The following VEPH1 variants were observed in gnomAD, a reference collection of about 807,000 sequenced individuals.
The protein encoded by VEPH1 is ventricular zone-expressed PH domain-containing protein homolog 1.
A neutral mutation model predicts 85.2 loss-of-function variants in VEPH1; 80 were observed. That is an observed-to-expected ratio of 0.94 (90% CI 0.78 to 1.13). VEPH1 has a LOEUF of 1.13. Among genes scored for constraint, VEPH1 ranks in the 50% most tolerant of loss-of-function variants. The pLI is 0.00. For synonymous variants in VEPH1, 297 were observed against 348.0 expected (o/e 0.85, Z 1.63); for missense variants, 955 against 980.5 (o/e 0.97, Z 0.35).
chr3:157,494,960 T>C (rs35973239), intron 2 of VEPH1, among the ~76,000 whole-genome samples: 24,970 of 152,068 alleles, frequency 0.16, 2,903 homozygotes, highest in African/African-American at 0.32. Flanking sequence ...GAGAATTCCA[T>C]GCTGCTCTGC....
At chr3:157,332,365 A>G (rs968019672) in intron 9 of VEPH1, among the ~76,000 whole-genome samples, 12 of 151,716 alleles carry the variant, frequency 7.9e-5, no homozygotes, top group Non-Finnish European at 8.8e-5. Flanking sequence ...CCTAAATGGA[A>G]CCCCCACATC....
At chr3:157,468,295 T>C (rs568429589) in intron 3 of VEPH1, among the ~76,000 whole-genome samples, 8 of 152,328 alleles carry the variant, frequency 5.3e-5, no homozygotes, top group East Asian at 1.9e-4. Flanking sequence ...CTAGTCCATT[T>C]AGTGATGCAC....
intron 9 of VEPH1, among the ~76,000 whole-genome samples, chr3:157,321,301 A>T (rs1441416924): frequency 6.6e-6 from 1 of 152,212 alleles, no homozygotes; most frequent in Non-Finnish European, 1.5e-5. Context: ...AAGCTCAAAC[A>T]CATGAATATG....
At chr3:157,328,795 A>AAG (rs1293341951) in intron 9 of VEPH1, among the ~76,000 whole-genome samples, 4 of 152,214 alleles carry the variant, frequency 2.6e-5, no homozygotes, top group African/African-American at 9.6e-5. Flanking sequence ...AAGATAAAAA[A>AAG]AGCTAACATT....
intron 9 of VEPH1, among the ~76,000 whole-genome samples, chr3:157,324,541 T>A (rs1721687189): frequency 6.6e-6 from 1 of 152,158 alleles, no homozygotes; most frequent in Non-Finnish European, 1.5e-5. Flanking sequence ...TCCCTCTATG[T>A]GTTCTCATAA....
intron 9 of VEPH1, among the ~76,000 whole-genome samples, chr3:157,327,757 A>G (rs1278732886): frequency 6.6e-6 from 1 of 152,150 alleles, no homozygotes; most frequent in African/African-American, 2.4e-5. Context: ...AAAACTGTTA[A>G]AAACTTGTGC....
chr3:157,297,761 A>G (rs1245647806), intron 11 of VEPH1, among the ~76,000 whole-genome samples: 1 of 152,162 alleles, frequency 6.6e-6, no homozygotes, highest in Non-Finnish European at 1.5e-5. Flanking sequence ...CAAGCATAAA[A>G]GGAGGGATTT....
At chr3:157,332,435 T>C (rs2108607948) in intron 9 of VEPH1, among the ~76,000 whole-genome samples, 1 of 152,294 alleles carries the variant, frequency 6.6e-6, no homozygotes, top group South Asian at 2.1e-4. Flanking sequence ...AAAATCTGCA[T>C]TTTGTCTCTA....
At chr3:157,299,575 AAAAAAG>A (rs1317185798) in intron 11 of VEPH1, among the ~76,000 whole-genome samples, 8 of 151,026 alleles carry the variant, frequency 5.3e-5, no homozygotes, top group African/African-American at 1.2e-4. Context: ...AAAAAAAAAA[AAAAAAG>A]AAAGAAAGAA....
chr3:157,417,851 A>G (rs1170645674), intron 5 of VEPH1, among the ~76,000 whole-genome samples: 1 of 152,162 alleles, frequency 6.6e-6, no homozygotes, highest in African/African-American at 2.4e-5. Flanking sequence ...CTTTATAACA[A>G]TCTGTGATGC....
chr3:157,411,719 C>T (rs1366751262), intron 6 of VEPH1, among the ~76,000 whole-genome samples: 1 of 152,144 alleles, frequency 6.6e-6, no homozygotes, highest in East Asian at 1.9e-4. Context: ...TGAATCAGAA[C>T]CACCAGAAAG....
At chr3:157,383,612 G>A (rs570085592) in intron 6 of VEPH1, among the ~76,000 whole-genome samples, 17 of 152,256 alleles carry the variant, frequency 1.1e-4, no homozygotes, top group Admixed American at 3.9e-4. Context: ...CATATCTCTT[G>A]GGGTAAATGG....
intron 4 of VEPH1, among the ~76,000 whole-genome samples, chr3:157,453,251 A>G (rs1420369945): frequency 6.6e-6 from 1 of 152,214 alleles, no homozygotes; most frequent in Non-Finnish European, 1.5e-5. Context: ...GAAGTCTGGT[A>G]TGCTCATGGA....
At chr3:157,491,065 A>G (rs58527202) in intron 2 of VEPH1, among the ~76,000 whole-genome samples, 1,833 of 152,242 alleles carry the variant, frequency 0.012, 28 homozygotes, top group African/African-American at 0.041. Flanking sequence ...TCACTTTGGA[A>G]CCATGGATGT....
intron 4 of VEPH1, among the ~76,000 whole-genome samples, chr3:157,443,797 T>C (rs1734331298): frequency 1.3e-5 from 2 of 152,210 alleles, no homozygotes; most frequent in Admixed American, 1.3e-4. Context: ...AGTCAATTCA[T>C]CTCTGTGGGT....
intron 11 of VEPH1, among the ~76,000 whole-genome samples, chr3:157,304,223 T>G (rs771057291): frequency 6.6e-6 from 1 of 151,992 alleles, no homozygotes; most frequent in African/African-American, 2.4e-5. Context: ...GCCTTGACAC[T>G]CCTGTCAGTT....
At chr3:157,338,392 A>G (rs1245452102) in intron 9 of VEPH1, among the ~76,000 whole-genome samples, 1 of 152,204 alleles carries the variant, frequency 6.6e-6, no homozygotes, top group African/African-American at 2.4e-5. Flanking sequence ...AACTGTAATA[A>G]GCTAATTTAT....
At chr3:157,298,895 C>T (rs1718433221) in intron 11 of VEPH1, among the ~76,000 whole-genome samples, 1 of 152,136 alleles carries the variant, frequency 6.6e-6, no homozygotes, top group Admixed American at 6.5e-5. Context: ...ATGCAACTTT[C>T]AGGATTCTAA....
chr3:157,332,619 A>G (rs1197864844), intron 9 of VEPH1, among the ~76,000 whole-genome samples: 1 of 152,210 alleles, frequency 6.6e-6, no homozygotes, highest in East Asian at 1.9e-4. Context: ...TGAATATACT[A>G]CATTTCATTT....
Sources: gnomAD v4.1 joint callset for allele counts (sites outside exome capture counted in the v4.1 genomes callset) on GRCh38, gnomAD v4.1.1 for gene constraint, MANE v1.5 for transcripts, NCBI Gene and HGNC (gene_info 2026-07-23, HGNC 2026-07-21) for gene names.